DPY19L1: variants seen among roughly 807,000 people sequenced by gnomAD.
DPY19L1 encodes the protein dpy-19 like C-mannosyltransferase 1, also known as protein C-mannosyl-transferase DPY19L1.
DPY19L1 carries 35 observed loss-of-function variants against 96.9 expected under a neutral mutation model. The observed-to-expected ratio is 0.36, with a 90% confidence interval of 0.28 to 0.48. The LOEUF is 0.48. DPY19L1 is among the 20% of genes least tolerant of loss of function. DPY19L1 has a pLI of 0.99. For synonymous variants in DPY19L1, 205 were observed against 252.6 expected (o/e 0.81, Z 1.79); for missense variants, 521 against 777.9 (o/e 0.67, Z 3.93).
chr7:35,035,446 T>C (rs964637229), intron 1 of DPY19L1, among the ~76,000 whole-genome samples: 1 of 152,042 alleles, frequency 6.6e-6, no homozygotes, highest in African/African-American at 2.4e-5. Flanking sequence ...ATGCAGAAAA[T>C]AGCAATAAAT....
chr7:34,947,476 C>G (rs757077296), intron 15 of DPY19L1, among the ~76,000 whole-genome samples, 154 bp downstream of exon 15: 1 of 152,102 alleles, frequency 6.6e-6, no homozygotes, highest in Non-Finnish European at 1.5e-5. Flanking sequence ...ATATAAATGT[C>G]TATCAAAAGC....
intron 10 of DPY19L1, among the ~76,000 whole-genome samples, chr7:34,965,980 C>G (rs893247087): frequency 6.6e-6 from 1 of 152,100 alleles, no homozygotes; most frequent in Non-Finnish European, 1.5e-5. Flanking sequence ...ACCCCCTGAT[C>G]TTGGTGCTCC....
intron 13 of DPY19L1, among the ~76,000 whole-genome samples, chr7:34,952,141 C>G (rs1404648583): frequency 6.9e-6 from 1 of 145,820 alleles, no homozygotes; most frequent in African/African-American, 2.5e-5. Flanking sequence ...AAAAAAAAAC[C>G]CACAACAGCT....
At chr7:35,015,238 T>C (rs926974752) in intron 3 of DPY19L1, among the ~76,000 whole-genome samples, 12 of 152,304 alleles carry the variant, frequency 7.9e-5, no homozygotes, top group African/African-American at 2.9e-4. Flanking sequence ...AAGAAAGGAA[T>C]TAACTATTTA....
intron 2 of DPY19L1, 46 bp from the exon 3 acceptor site, chr7:35,018,015 G>A (rs1785902374): frequency 7.2e-7 from 1 of 1,380,468 alleles, no homozygotes; most frequent in South Asian, 1.4e-5. Flanking sequence ...TACACTCTAA[G>A]TATTATTTTT....
intron 19 of DPY19L1, 23 bp downstream of exon 19, chr7:34,940,130 T>C (rs1448923478): frequency 1.6e-5 from 24 of 1,458,464 alleles, no homozygotes; most frequent in Non-Finnish European, 2.2e-5. Context: ...ATATGACTTT[T>C]TTTTTCTTTT....
At chr7:34,991,637 T>C (rs1476751889) in intron 6 of DPY19L1, among the ~76,000 whole-genome samples, 1 of 152,190 alleles carries the variant, frequency 6.6e-6, no homozygotes, top group Non-Finnish European at 1.5e-5. Context: ...GAACTTACTC[T>C]AACAAGACAA....
chr7:35,035,051 G>A (rs1254814499), intron 1 of DPY19L1, among the ~76,000 whole-genome samples: 1 of 152,174 alleles, frequency 6.6e-6, no homozygotes, highest in Admixed American at 6.5e-5. Context: ...GAAGAAATAG[G>A]TCTGACATCA....
chr7:34,998,086 A>G (rs1166950456), intron 6 of DPY19L1, among the ~76,000 whole-genome samples: 1 of 152,258 alleles, frequency 6.6e-6, no homozygotes, highest in Non-Finnish European at 1.5e-5. Context: ...AATCTCTCAG[A>G]TATCAGAGAA....
intron 1 of DPY19L1, among the ~76,000 whole-genome samples, chr7:35,032,886 AT>A (rs1786294359): frequency 1.3e-5 from 2 of 151,808 alleles, no homozygotes; most frequent in African/African-American, 4.8e-5. Context: ...AAATTGACCA[AT>A]TTCTCTCCAT....
chr7:34,957,619 A>T (rs1483907993), intron 11 of DPY19L1, among the ~76,000 whole-genome samples: 1 of 152,108 alleles, frequency 6.6e-6, no homozygotes, highest in African/African-American at 2.4e-5. Flanking sequence ...AAAACAAAAC[A>T]AAAAACAGAA....
At chr7:34,973,115 G>C (rs967937522) in intron 8 of DPY19L1, among the ~76,000 whole-genome samples, 2 of 152,184 alleles carry the variant, frequency 1.3e-5, no homozygotes, top group Non-Finnish European at 1.5e-5. Flanking sequence ...CAGAAAGGGA[G>C]AGAAGTGTGA....
rs116938309 is a variant in DPY19L1, at chr7:34,963,932, G to A, written c.1092+2962C>T. Among the ~76,000 whole-genome samples the A allele has an allele frequency of 4.6e-3, 708 of 152,280 alleles. 2 individuals carry two copies. Among genetic ancestry groups the A allele is most frequent in the East Asian group, 8.1e-3 (42 of 5,188 alleles). ...TAGAATGGTGGTTTCCAGGGACTGG[G>A]AAGATGGAAGAATAAGGACTTTAAT... On this transcript the variant is annotated intron_variant, in intron 10 of 21. Coordinates refer to ENST00000638088, the MANE Select transcript of DPY19L1 (RefSeq NM_001366673.1).
At chr7:34,961,532 C>T (rs1419806027) in intron 10 of DPY19L1, among the ~76,000 whole-genome samples, 7 of 152,132 alleles carry the variant, frequency 4.6e-5, no homozygotes, top group Admixed American at 2.6e-4. Context: ...CACTGCAAAA[C>T]TATAAAGCTC....
intron 14 of DPY19L1, among the ~76,000 whole-genome samples, chr7:34,949,435 T>C (rs1784224290): frequency 6.6e-6 from 1 of 152,220 alleles, no homozygotes; most frequent in Non-Finnish European, 1.5e-5. Flanking sequence ...TTGGACTTGA[T>C]GTTTCAAAGC....
intron 17 of DPY19L1, 76 bp downstream of exon 17, chr7:34,942,539 A>C: frequency 8.3e-7 from 1 of 1,198,640 alleles, no homozygotes; most frequent in South Asian, 1.3e-5. Flanking sequence ...CAAAGTTAGA[A>C]ACTGGAACTA....
chr7:34,939,466 A>C (rs1201901453), intron 19 of DPY19L1, 91 bp from the exon 20 acceptor site: 1 of 1,109,292 alleles, frequency 9.0e-7, no homozygotes, highest in East Asian at 2.5e-5. Flanking sequence ...CACAGGTAAC[A>C]GAGCGGAAGC....
At chr7:35,001,286 G>A (rs1785421045) in intron 6 of DPY19L1, among the ~76,000 whole-genome samples, 1 of 152,178 alleles carries the variant, frequency 6.6e-6, no homozygotes, top group Non-Finnish European at 1.5e-5. Context: ...CGCTAGTAAA[G>A]CTTATGTGAT....
chr7:35,032,439 G>A (rs2128684088), intron 1 of DPY19L1, among the ~76,000 whole-genome samples: 1 of 152,278 alleles, frequency 6.6e-6, no homozygotes, highest in Middle Eastern at 3.4e-3. Context: ...TTCATCTAAA[G>A]CACTTCCAAC....
Sources: gnomAD v4.1 joint callset for allele counts (sites outside exome capture counted in the v4.1 genomes callset) on GRCh38, gnomAD v4.1.1 for gene constraint, MANE v1.5 for transcripts, NCBI Gene and HGNC (gene_info 2026-07-23, HGNC 2026-07-21) for gene names.